The following PCDH15 variants were observed in gnomAD, a reference collection of about 807,000 sequenced individuals.
The protein encoded by PCDH15 is protocadherin-15.
A neutral mutation model predicts 178.5 loss-of-function variants in PCDH15; 129 were observed. That is an observed-to-expected ratio of 0.72 (90% CI 0.63 to 0.84). The LOEUF is 0.84. Among genes scored for constraint, PCDH15 ranks in the 40% least tolerant of loss-of-function variants. The pLI is 0.00. For missense variants in PCDH15, 2,230 were observed against 2,099.9 expected, an observed-to-expected ratio of 1.06 and a Z score of -1.21; for synonymous variants, 800 against 732.0, an observed-to-expected ratio of 1.09 and a Z score of -1.50.
intron 8 of PCDH15, among the ~76,000 whole-genome samples, chr10:54,301,482 T>A (rs2133270989): frequency 6.6e-6 from 1 of 152,246 alleles, no homozygotes; most frequent in African/African-American, 2.4e-5. Flanking sequence ...ATGTATGATG[T>A]TTATAAGGGA....
At chr10:54,381,301 T>G (rs1156789997) in intron 3 of PCDH15, among the ~76,000 whole-genome samples, 2 of 152,074 alleles carry the variant, frequency 1.3e-5, no homozygotes, top group African/African-American at 2.4e-5. Flanking sequence ...GAAACTCCTG[T>G]CTCTCCCTAT....
At chr10:54,984,221 C>T (rs1274766824) in intron 2 of PCDH15, among the ~76,000 whole-genome samples, 2 of 152,062 alleles carry the variant, frequency 1.3e-5, no homozygotes, top group Non-Finnish European at 2.9e-5. Flanking sequence ...TTGTCTCTAC[C>T]CCTGTTTTCC....
At chr10:55,538,468 C>CTTT (rs1841646361) in intron 2 of PCDH15, among the ~76,000 whole-genome samples, 1 of 108,284 alleles carries the variant, frequency 9.2e-6, no homozygotes, top group Non-Finnish European at 1.9e-5. Context: ...CTTCCTTCCT[C>CTTT]CCTCCCTTCC....
At chr10:54,205,452 T>C (rs917380503) in intron 10 of PCDH15, among the ~76,000 whole-genome samples, 2 of 148,588 alleles carry the variant, frequency 1.3e-5, no homozygotes, top group African/African-American at 4.9e-5. Flanking sequence ...CAACAGTAAT[T>C]GGTAACAGGT....
At chr10:54,440,031 A>G (rs1180015816) in intron 3 of PCDH15, among the ~76,000 whole-genome samples, 1 of 152,048 alleles carries the variant, frequency 6.6e-6, no homozygotes, top group Non-Finnish European at 1.5e-5. Flanking sequence ...ATGAAATGAA[A>G]TTATAGTAAA....
At chr10:54,251,937 TC>T in intron 8 of PCDH15, among the ~76,000 whole-genome samples, 1 of 152,114 alleles carries the variant, frequency 6.6e-6, no homozygotes, top group Non-Finnish European at 1.5e-5. Context: ...TAATAGTGTT[TC>T]TTTTAGTCAA....
intron 2 of PCDH15, among the ~76,000 whole-genome samples, chr10:54,634,908 T>C (rs2093806521): frequency 6.6e-6 from 1 of 151,788 alleles, no homozygotes; most frequent in South Asian, 2.1e-4. Flanking sequence ...TTTTCTTTTT[T>C]TAATAGATAA....
chr10:53,828,655 T>A, intron 30 of PCDH15, 82 bp from the exon 31 acceptor site: 7 of 1,133,826 alleles, frequency 6.2e-6, no homozygotes, highest in Non-Finnish European at 9.3e-6. Context: ...TCTGATTTAT[T>A]CTAAATCATG....
intron 2 of PCDH15, among the ~76,000 whole-genome samples, chr10:54,579,080 C>T (rs1453649337): frequency 1.3e-5 from 2 of 151,842 alleles, no homozygotes; most frequent in East Asian, 3.9e-4. Context: ...ATAAAGCAAC[C>T]ATATAATAGA....
chr10:54,094,742 AT>A (rs539082250), intron 15 of PCDH15, among the ~76,000 whole-genome samples: 221 of 152,300 alleles, frequency 1.5e-3, no homozygotes, highest in African/African-American at 5.1e-3. Context: ...CTTTCCTTTA[AT>A]TTTTATTTAA....
At chr10:55,466,979 C>T (rs559580274) in intron 2 of PCDH15, among the ~76,000 whole-genome samples, 2 of 152,124 alleles carry the variant, frequency 1.3e-5, no homozygotes, top group Non-Finnish European at 2.9e-5. Context: ...CCACTGGGAG[C>T]CTTTCAGGCT....
At chr10:55,398,542 T>C (rs1837984186) in intron 2 of PCDH15, among the ~76,000 whole-genome samples, 1 of 152,190 alleles carries the variant, frequency 6.6e-6, no homozygotes, top group Non-Finnish European at 1.5e-5. Flanking sequence ...CCAACCTATT[T>C]GAAGCAATAA....
In PCDH15 at chr10:54,556,058, C is replaced by A. The variant is rs182870125; in HGVS notation, c.92-28181G>T. Among the ~76,000 whole-genome samples, 294 of 152,312 alleles carry A rather than the reference C, an allele frequency of 1.9e-3. 1 individual carries two copies. Among genetic ancestry groups the A allele is most frequent in the African/African-American group, 6.9e-3 (285 of 41,574 alleles). On this transcript the variant is annotated intron_variant, in intron 2 of 37. Coordinates refer to ENST00000644397, the MANE Select transcript of PCDH15 (RefSeq NM_001384140.1). ...CTTGGAACACTCCTATTCTTCTGAT[C>A]AAGAGATCCCAGTGGGCTGGGGTAC...
At chr10:54,634,975 G>A (rs2093808986) in intron 2 of PCDH15, among the ~76,000 whole-genome samples, 2 of 151,552 alleles carry the variant, frequency 1.3e-5, no homozygotes, top group Non-Finnish European at 1.5e-5. Flanking sequence ...TAGCAGTAAG[G>A]CTCAGATGTA....
At chr10:54,169,929 C>A (rs2046699269) in intron 13 of PCDH15, among the ~76,000 whole-genome samples, 1 of 150,788 alleles carries the variant, frequency 6.6e-6, no homozygotes, top group Non-Finnish European at 1.5e-5. Context: ...GCCTATCCAC[C>A]CCGTGCTGCC....
At chr10:54,262,139 G>A (rs1032911368) in intron 8 of PCDH15, among the ~76,000 whole-genome samples, 4 of 152,052 alleles carry the variant, frequency 2.6e-5, no homozygotes, top group African/African-American at 9.7e-5. Flanking sequence ...GAGCTGCCTC[G>A]AGCACATGCA....
intron 1 of PCDH15, among the ~76,000 whole-genome samples, chr10:54,680,153 A>T (rs912492103): frequency 1.3e-5 from 2 of 152,186 alleles, no homozygotes; most frequent in Non-Finnish European, 2.9e-5. Context: ...CTCTTGGGAC[A>T]GATGTACTGT....
intron 3 of PCDH15, among the ~76,000 whole-genome samples, chr10:54,385,150 C>A (rs547210182): frequency 4.1e-4 from 63 of 152,044 alleles, no homozygotes; most frequent in African/African-American, 1.5e-3. Context: ...TATTTAAAAC[C>A]TTTTATTCCA....
At chr10:55,401,168 G>A (rs1838053526) in intron 2 of PCDH15, among the ~76,000 whole-genome samples, 2 of 151,926 alleles carry the variant, frequency 1.3e-5, no homozygotes, top group Admixed American at 1.3e-4. Flanking sequence ...ACTAGCTTCG[G>A]GAACACTACC....
Sources: allele counts gnomAD v4.1 joint callset (sites outside exome capture counted in the v4.1 genomes callset), GRCh38; gene constraint gnomAD v4.1.1; transcripts MANE v1.5; gene names NCBI Gene and HGNC (gene_info 2026-07-23, HGNC 2026-07-21).